MAP3K15: variants seen among roughly 807,000 people sequenced by gnomAD.
MAP3K15 encodes mitogen-activated protein kinase kinase kinase 15.
A neutral mutation model predicts 99.5 loss-of-function variants in MAP3K15; 124 were observed. The observed-to-expected ratio is 1.25, with a 90% CI of 1.08 to 1.45. MAP3K15 has a LOEUF of 1.45. Among genes scored for constraint, MAP3K15 ranks in the 40% most tolerant of loss-of-function variants. The pLI is 0.00. For missense variants in MAP3K15, 1,242 were observed against 1,079.7 expected, an observed-to-expected ratio of 1.15 and a Z score of -2.11; for synonymous variants, 494 against 439.6, an observed-to-expected ratio of 1.12 and a Z score of -1.55.
intron 3 of MAP3K15, among the ~76,000 whole-genome samples, chrX:19,480,653 T>TA (rs746641774): frequency 0.073 from 4,997 of 68,353 alleles, 268 homozygotes; most frequent in Non-Finnish European, 0.11. Context: ...GGTCTCTACT[T>TA]AAAAAAAAAA....
intron 12 of MAP3K15, among the ~76,000 whole-genome samples, chrX:19,408,012 G>T (rs2063659540): frequency 8.9e-6 from 1 of 112,389 alleles, no homozygotes; most frequent in African/African-American, 3.2e-5. Context: ...AACTGTCCTA[G>T]ACCATTCTTT....
chrX:19,473,871 C>G (rs1010851634), intron 3 of MAP3K15, among the ~76,000 whole-genome samples: 2 of 111,974 alleles, frequency 1.8e-5, no homozygotes, highest in East Asian at 2.8e-4. Flanking sequence ...ATTATATAGT[C>G]TTAAGTGCCA....
intron 3 of MAP3K15, among the ~76,000 whole-genome samples, chrX:19,475,971 T>G (rs2064239764): frequency 8.9e-6 from 1 of 111,987 alleles, no homozygotes; most frequent in Admixed American, 9.5e-5. Flanking sequence ...CCAAGGTCCC[T>G]CATTACACCA....
At chrX:19,406,147 TAATGGGAATATAA>T (rs1321406320) in intron 13 of MAP3K15, among the ~76,000 whole-genome samples, 1 of 111,888 alleles carries the variant, frequency 8.9e-6, no homozygotes, top group Non-Finnish European at 1.9e-5. Context: ...CATACATTGC[TAATGGGAATATAA>T]AATGGGAAAA....
At chrX:19,435,114 A>C (rs779632668) in intron 6 of MAP3K15, among the ~76,000 whole-genome samples, 1 of 112,428 alleles carries the variant, frequency 8.9e-6, no homozygotes, top group African/African-American at 3.2e-5. Context: ...GAATATGAAA[A>C]AGATTGAAAC....
rs138690150 is a variant in MAP3K15 at position 19,488,316 on chromosome X, G to A, written c.501+512C>T. ...GATTGAGTTGTGCAGGAACACACAC[G>A]TTTTCAGTTTTGCTTTGCTTTCAGA... On this transcript the variant is annotated intron_variant, in intron 2 of 28. Coordinates refer to ENST00000338883, the MANE Select transcript of MAP3K15 (RefSeq NM_001001671.4). Among the ~76,000 whole-genome samples the A allele has an allele frequency of 1.2e-4, 14 of 112,032 alleles. No individual in the cohort carries two copies. The East Asian group carries it at 2.5e-3, about 20-fold the overall frequency.
intron 28 of MAP3K15, 45 bp downstream of exon 28, chrX:19,361,294 A>G (rs2063283537): frequency 2.8e-6 from 3 of 1,056,657 alleles, no homozygotes; most frequent in East Asian, 3.0e-5. Flanking sequence ...ATATTCACAC[A>G]TAAAAAGTTG....
chrX:19,374,653 A>T lies in MAP3K15; in HGVS notation c.2597T>A (p.Met866Lys), dbSNP rs750147519. The change falls in exon 20 of 29, where the codon ATG becomes AAG. Residue 866 changes from methionine (M) to lysine (K), a missense_variant. Coordinates refer to ENST00000338883, the MANE Select transcript of MAP3K15 (RefSeq NM_001001671.4). ...TGGAATCTCAGGGTGGATCTTAAAC[A>T]TGCCCACCTGCATTTAAGGGAGAGG... is the stretch of plus-strand genomic sequence containing the variant. ...EPQAAMFKVG[M>K]FKIHPEIPEA... The T allele has an allele frequency of 4.1e-6, 5 of 1,206,929 alleles. No individual in the cohort carries two copies. In the Admixed American group the frequency reaches 1.1e-4, roughly 27 times the overall value.
chrX:19,510,069 C>G (rs2064507449), intron 1 of MAP3K15, among the ~76,000 whole-genome samples: 1 of 111,552 alleles, frequency 9.0e-6, no homozygotes, highest in African/African-American at 3.3e-5. Context: ...CCTGAAAAGA[C>G]CAATAACAAG....
intron 1 of MAP3K15, among the ~76,000 whole-genome samples, chrX:19,489,335 G>A (rs1359781256): frequency 9.0e-6 from 1 of 111,180 alleles, no homozygotes; most frequent in Non-Finnish European, 1.9e-5. Flanking sequence ...CAAGTCAGAG[G>A]GTTACCTGCA....
intron 19 of MAP3K15, among the ~76,000 whole-genome samples, chrX:19,375,042 G>T (rs1462622414): frequency 8.9e-6 from 1 of 111,886 alleles, no homozygotes; most frequent in African/African-American, 3.3e-5. Flanking sequence ...CATGAGGGAG[G>T]GGCCTCTCAG....
At chrX:19,464,520 T>C in intron 3 of MAP3K15, 114 bp from the exon 4 acceptor site, 1 of 526,074 alleles carries the variant, frequency 1.9e-6, no homozygotes, top group Admixed American at 3.6e-5. Flanking sequence ...ATGAAAACAA[T>C]TCGTTCAATA....
At chrX:19,382,562 T>G (rs776229723) in intron 18 of MAP3K15, among the ~76,000 whole-genome samples, 1 of 112,319 alleles carries the variant, frequency 8.9e-6, no homozygotes, top group African/African-American at 3.2e-5. Flanking sequence ...AACTTAAATA[T>G]GAATTGGGTT....
chrX:19,442,548 G>C (rs2063966579), intron 6 of MAP3K15, among the ~76,000 whole-genome samples: 2 of 100,400 alleles, frequency 2.0e-5, no homozygotes, highest in Admixed American at 1.1e-4. Flanking sequence ...TTTTGAGGCA[G>C]AGTCTCACTC....
intron 1 of MAP3K15, among the ~76,000 whole-genome samples, chrX:19,501,044 C>T (rs1426649573): frequency 9.0e-6 from 1 of 111,711 alleles, no homozygotes; most frequent in Non-Finnish European, 1.9e-5. Context: ...GTAGCACTAA[C>T]AGCAGCATGG....
intron 1 of MAP3K15, among the ~76,000 whole-genome samples, chrX:19,506,879 G>A (rs1026168286): frequency 2.7e-5 from 3 of 112,159 alleles, no homozygotes; most frequent in African/African-American, 9.7e-5. Flanking sequence ...CCTAGTATGG[G>A]TTGCAATACT....
chrX:19,432,238 T>C (rs1245752301), intron 6 of MAP3K15, among the ~76,000 whole-genome samples: 3 of 110,776 alleles, frequency 2.7e-5, no homozygotes, highest in Non-Finnish European at 1.9e-5. Flanking sequence ...GCAACATACA[T>C]AGTCTGGACT....
rs748998915 is a variant in MAP3K15 at position 19,367,723 on chromosome X, A to ATT, written c.3566+1329_3566+1330dup. ...ACCAACTCATTTGCTATAACTATGG[A>ATT]TTTTTTTTTTTTTTTTTTTTTTTTT... On this transcript the variant is annotated intron_variant, in intron 25 of 28. Coordinates refer to ENST00000338883, the MANE Select transcript of MAP3K15 (RefSeq NM_001001671.4). 9.5e-3 allele frequency among the ~76,000 whole-genome samples: 230 copies of ATT among 24,142 alleles called. 83 individuals are homozygous for ATT. The highest frequency in any genetic ancestry group is 0.028 in the East Asian group (12 of 436). The allele number at this position is 24,142 out of a possible 115,157, so 21.0% of individuals were successfully genotyped here.
chrX:19,425,686 G>A lies in MAP3K15; in HGVS notation c.1284C>T (p.Val428=). The change falls in exon 9 of 29, where the codon GTC becomes GTT. Residue 428 remains valine, a synonymous_variant. Transcript: ENST00000338883. ...TTCTTCCCAACAAACTGTTCAGCCG[G>A]ACACCTTAAGAATTTGAATTTTTGA... ...ETSLELRKIG[V]RLNSLLGRKG... 8.4e-7 allele frequency: 1 copy of A among 1,190,300 alleles called. No homozygotes were observed. The highest frequency in any genetic ancestry group is 2.3e-4 in the Middle Eastern group (1 of 4,303).
Sources: allele counts gnomAD v4.1 joint callset (sites outside exome capture counted in the v4.1 genomes callset), GRCh38; gene constraint gnomAD v4.1.1; transcripts MANE v1.5; gene names NCBI Gene and HGNC (gene_info 2026-07-23, HGNC 2026-07-21).